Variants in ANO10 observed in about 807,000 individuals in gnomAD.
ANO10 encodes the protein anoctamin 10, also known as anoctamin-10.
In ANO10, 77 loss-of-function variants were observed where a neutral mutation model predicts 74.7. The ratio of observed to expected loss-of-function variants is 1.03; its 90% CI spans 0.86 to 1.25. The LOEUF (loss-of-function observed/expected upper bound fraction) is 1.25, where lower values mean the gene tolerates loss of function less well. Ranked by LOEUF, ANO10 falls within the 50% of genes most tolerant of loss-of-function variation. The pLI, the probability that ANO10 is intolerant of heterozygous loss-of-function variation, is 0.00. For missense variants in ANO10, 721 were observed against 778.1 expected (o/e 0.93, Z 0.87); for synonymous variants, 279 against 284.9 (o/e 0.98, Z 0.21).
chr3:43,501,649 C>T (rs2077104567), intron 11 of ANO10, among the ~76,000 whole-genome samples: 1 of 152,144 alleles, frequency 6.6e-6, no homozygotes, highest in Non-Finnish European at 1.5e-5. Context: ...AAGATTGTTA[C>T]CCTGACAAGA....
chr3:43,580,967 C>T (rs796537581), intron 4 of ANO10, among the ~76,000 whole-genome samples: 11 of 152,192 alleles, frequency 7.2e-5, no homozygotes, highest in African/African-American at 2.6e-4. Context: ...GTATGAAATG[C>T]TGTAATTCAA....
intron 1 of ANO10, among the ~76,000 whole-genome samples, chr3:43,643,124 C>T (rs568044115): frequency 4.0e-5 from 6 of 151,504 alleles, no homozygotes; most frequent in South Asian, 2.1e-4. Flanking sequence ...CTCCGCCTCC[C>T]GGGTTCACGC....
chr3:43,643,722 C>T (rs370635780), intron 1 of ANO10, among the ~76,000 whole-genome samples: 3 of 137,860 alleles, frequency 2.2e-5, no homozygotes, highest in Non-Finnish European at 4.5e-5. Context: ...CTCGCTCTGT[C>T]GCCTAGGCTG....
chr3:43,567,799 C>T (rs1049502837), intron 7 of ANO10, among the ~76,000 whole-genome samples: 1 of 151,670 alleles, frequency 6.6e-6, no homozygotes, highest in Non-Finnish European at 1.5e-5. Context: ...AACCAGCTAA[C>T]ATCATAATGA....
intron 11 of ANO10, among the ~76,000 whole-genome samples, chr3:43,517,443 G>A (rs2077756420): frequency 6.6e-6 from 1 of 152,072 alleles, no homozygotes; most frequent in African/African-American, 2.4e-5. Context: ...CAATGTGGCT[G>A]TATTTGGAGA....
At chr3:43,377,645 T>A (rs1469588830) in intron 12 of ANO10, among the ~76,000 whole-genome samples, 1 of 152,002 alleles carries the variant, frequency 6.6e-6, no homozygotes, top group Admixed American at 6.5e-5. Context: ...TGATCTGAGG[T>A]TCCATGTTGA....
At chr3:43,561,084 A>G in intron 9 of ANO10, 136 bp downstream of exon 9, 1 of 1,001,708 alleles carries the variant, frequency 1.0e-6, no homozygotes, top group Non-Finnish European at 1.6e-6. Context: ...AAAGTGGTTC[A>G]TGATGAGGAA....
At chr3:43,441,952 C>G (rs964017194) in intron 11 of ANO10, among the ~76,000 whole-genome samples, 1 of 152,046 alleles carries the variant, frequency 6.6e-6, no homozygotes, top group Non-Finnish European at 1.5e-5. Context: ...ATTCAATACC[C>G]TTTCATGATA....
intron 11 of ANO10, among the ~76,000 whole-genome samples, 164 bp from the exon 12 acceptor site, chr3:43,432,891 G>C (rs2093006237): frequency 6.8e-6 from 1 of 146,246 alleles, no homozygotes. Context: ...GAGTTGTACT[G>C]AGTGAGTCCA....
At chr3:43,443,679 CTTTTTTTT>C (rs59685910) in intron 11 of ANO10, among the ~76,000 whole-genome samples, 2 of 122,034 alleles carry the variant, frequency 1.6e-5, no homozygotes, top group Non-Finnish European at 3.2e-5. Context: ...TTCCTTCCTT[CTTTTTTTT>C]TTTTTTTTTT....
intron 11 of ANO10, among the ~76,000 whole-genome samples, chr3:43,503,857 T>C (rs999207017): frequency 6.6e-6 from 1 of 152,342 alleles, no homozygotes; most frequent in South Asian, 2.1e-4. Flanking sequence ...AGGTGATTTT[T>C]ATGATTTGAA....
chr3:43,431,044 A>T (rs528071035), intron 12 of ANO10, among the ~76,000 whole-genome samples: 5 of 150,742 alleles, frequency 3.3e-5, no homozygotes, highest in Non-Finnish European at 7.4e-5. Flanking sequence ...TTAATAATTT[A>T]TTTTTAGCTA....
intron 4 of ANO10, among the ~76,000 whole-genome samples, chr3:43,596,183 C>T (rs2082075405): frequency 6.6e-6 from 1 of 152,148 alleles, no homozygotes; most frequent in South Asian, 2.1e-4. Context: ...AATAGCCATA[C>T]TGCCCGAGGT....
rs577996436 is a variant in ANO10, at chr3:43,594,822, G to C, written c.472+3710C>G. On this transcript the variant is annotated intron_variant, in intron 4 of 12. Transcript: ENST00000292246. Reference sequence around the variant, plus strand: ...CCCTTCAAAAAATCAATGAATCCAGGAGCTGGTTTTTTGAAAAGATCAACA... The same window carrying C: ...CCCTTCAAAAAATCAATGAATCCAGCAGCTGGTTTTTTGAAAAGATCAACA... Among the ~76,000 whole-genome samples, 56 of 152,200 alleles carry C rather than the reference G, an allele frequency of 3.7e-4. 2 individuals carry two copies. In the South Asian group the frequency reaches 0.011, roughly 29 times the overall value.
chr3:43,584,793 ACAGCAAG>A (rs1333756007), intron 4 of ANO10, among the ~76,000 whole-genome samples: 1 of 152,204 alleles, frequency 6.6e-6, no homozygotes, highest in Non-Finnish European at 1.5e-5. Flanking sequence ...ACACAACATT[ACAGCAAG>A]CAGCAAGCAA....
At chr3:43,378,333 C>A (rs1205978673) in intron 12 of ANO10, among the ~76,000 whole-genome samples, 1 of 152,148 alleles carries the variant, frequency 6.6e-6, no homozygotes, top group Non-Finnish European at 1.5e-5. Context: ...ATCAAAGGAC[C>A]CCTGGTGGTG....
intron 1 of ANO10, chr3:43,637,753 C>T (rs1239726546): frequency 6.6e-6 from 1 of 152,050 alleles, no homozygotes; most frequent in Non-Finnish European, 1.5e-5. Context: ...GATCCAGGAA[C>T]CTCTCTCAAA....
At position 43,484,943 on chromosome 3, in the gene ANO10, T is replaced by TG. The variant is rs368864277; in HGVS notation, c.1798-52217dup. On this transcript the variant is annotated intron_variant, in intron 11 of 12. Coordinates refer to ENST00000292246, the MANE Select transcript of ANO10 (RefSeq NM_018075.5). ...TCACCGGGGCGTTCCTGAGTTTATT[T>TG]GGGGCCCACCCAGGCAAGGGCCCTG... is the stretch of plus-strand genomic sequence containing the variant. 2.2e-5 allele frequency: 20 copies of TG among 925,504 alleles called. 1 individual carries two copies. The highest frequency in any genetic ancestry group is 1.3e-4 in the African/African-American group (8 of 59,266). The allele number at this position is 925,504 out of a possible 1,614,324, so 57.3% of individuals were successfully genotyped here.
intron 12 of ANO10, among the ~76,000 whole-genome samples, chr3:43,390,884 A>G (rs2092258171): frequency 6.6e-6 from 1 of 152,240 alleles, no homozygotes; most frequent in African/African-American, 2.4e-5. Context: ...AAGGATAAAA[A>G]TAAGTTTCTC....
Sources: allele counts gnomAD v4.1 joint callset (sites outside exome capture counted in the v4.1 genomes callset), GRCh38; gene constraint gnomAD v4.1.1; transcripts MANE v1.5; gene names NCBI Gene and HGNC (gene_info 2026-07-23, HGNC 2026-07-21).